Variants in ZDHHC13 observed in about 807,000 individuals in gnomAD.
ZDHHC13 encodes the protein zDHHC palmitoyltransferase 13, also known as palmitoyltransferase ZDHHC13.
Under a neutral mutation model 86.0 loss-of-function variants are expected in ZDHHC13, and 85 were observed. The ratio of observed to expected loss-of-function variants is 0.99; its 90% CI spans 0.83 to 1.18. ZDHHC13 has a LOEUF of 1.18. Ranked by LOEUF, ZDHHC13 falls within the 50% of genes most tolerant of loss-of-function variation. The probability of loss-of-function intolerance (pLI) is 0.00; values close to 1 mark genes in which losing one functional copy is unlikely to be tolerated. For synonymous variants in ZDHHC13, 263 were observed against 246.4 expected, an observed-to-expected ratio of 1.07 and a Z score of -0.63; for missense variants, 711 against 730.2, an observed-to-expected ratio of 0.97 and a Z score of 0.30.
At chr11:19,161,074 C>T (rs1849897922) in intron 10 of ZDHHC13, among the ~76,000 whole-genome samples, 1 of 152,004 alleles carries the variant, frequency 6.6e-6, no homozygotes, top group African/African-American at 2.4e-5. Context: ...GAATAATGTT[C>T]TTCAAACTAA....
chr11:19,118,953 C>T (rs1392177525), intron 1 of ZDHHC13: 1 of 152,182 alleles, frequency 6.6e-6, no homozygotes, highest in Non-Finnish European at 1.5e-5. Flanking sequence ...GAATGTCTGC[C>T]AGGCACCGTT....
chr11:19,133,646 C>T (rs994100635), intron 1 of ZDHHC13, among the ~76,000 whole-genome samples: 9 of 151,750 alleles, frequency 5.9e-5, no homozygotes, highest in Non-Finnish European at 8.8e-5. Context: ...ATAGAGAATA[C>T]GTATGATAGA....
intron 12 of ZDHHC13, 82 bp from the exon 13 acceptor site, chr11:19,164,970 C>G: frequency 8.2e-7 from 1 of 1,226,374 alleles, no homozygotes; most frequent in Non-Finnish European, 1.2e-6. Flanking sequence ...CCTCTGTGAC[C>G]TAAAGTTAAA....
At chr11:19,149,466 C>T (rs1418122396) in intron 5 of ZDHHC13, 135 bp downstream of exon 5, 28 of 947,866 alleles carry the variant, frequency 3.0e-5, no homozygotes, top group East Asian at 2.9e-4. Context: ...AGCCTCAGTA[C>T]GTTTAGCCAT....
At chr11:19,131,884 T>C (rs974413404) in intron 1 of ZDHHC13, among the ~76,000 whole-genome samples, 1 of 152,248 alleles carries the variant, frequency 6.6e-6, no homozygotes, top group African/African-American at 2.4e-5. Context: ...TCTGCCTGCC[T>C]CGGCCTCCCA....
At position 19,138,914 on chromosome 11, in the gene ZDHHC13, C is replaced by G. The variant is rs1279867103; in HGVS notation, c.28-4064C>G. Among the ~76,000 whole-genome samples the G allele has an allele frequency of 4.6e-5, 7 of 151,296 alleles. No individual in the cohort carries two copies. The East Asian group carries it at 1.4e-3, about 29-fold the overall frequency. On this transcript the variant is annotated intron_variant, in intron 1 of 16. Coordinates refer to ENST00000446113, the MANE Select transcript of ZDHHC13 (RefSeq NM_019028.3). Reference sequence around the variant, plus strand: ...AATTAGGTATTGATGGGACGTATCTCAAAATAATAAGAGCTATCTATGACA... The same window carrying G: ...AATTAGGTATTGATGGGACGTATCTGAAAATAATAAGAGCTATCTATGACA...
In ZDHHC13 at chr11:19,126,140, T is replaced by G. The variant is rs150705373; in HGVS notation, c.27+8864T>G. 2.2e-4 allele frequency among the ~76,000 whole-genome samples: 34 copies of G among 152,290 alleles called. No individual in the cohort carries two copies. In the East Asian group the frequency reaches 6.4e-3, roughly 28 times the overall value. On this transcript the variant is annotated intron_variant, in intron 1 of 16. Transcript: ENST00000446113. ...AAACTTTCTTTTAAAAACTTTTGTT[T>G]TAGGTTTGGGGATACATGTGCAGGT...
At chr11:19,146,368 T>C in intron 3 of ZDHHC13, 65 bp downstream of exon 3, 1 of 1,550,396 alleles carries the variant, frequency 6.4e-7, no homozygotes, top group Non-Finnish European at 8.7e-7. Flanking sequence ...ATTTATCTTT[T>C]TCTTTAAGTA....
At position 19,117,181 on chromosome 11, in the gene ZDHHC13, G is replaced by A. The variant is rs1002739341; in HGVS notation, c.-69G>A. ...GGAAGTGGGAGAAGAGGCGACCCAA[G>A]GCGGGCTGGCGGGCTGGCGGCAGTC... On this transcript the variant is annotated 5_prime_UTR_variant, in exon 1 of 17. Transcript: ENST00000446113. The surrounding 1 kb of genome is among the most constrained non-coding windows in gnomAD (Gnocchi z 4.2). 50 of 1,513,686 alleles carry A rather than the reference G, an allele frequency of 3.3e-5. No individual in the cohort carries two copies. The highest frequency in any genetic ancestry group is 4.0e-5 in the Non-Finnish European group (45 of 1,128,450). 93.8% of individuals were successfully genotyped at this position (1,513,686 alleles called of 1,614,324 possible). A position where few individuals can be genotyped will look rare whatever the true frequency, so the allele number is the denominator to read the frequency against.
chr11:19,161,079 A>G (rs1406549064), intron 10 of ZDHHC13, among the ~76,000 whole-genome samples: 1 of 151,900 alleles, frequency 6.6e-6, no homozygotes, highest in Non-Finnish European at 1.5e-5. Flanking sequence ...ATGTTCTTCA[A>G]ACTAAATTTT....
chr11:19,154,877 G>A (rs1849714112), intron 8 of ZDHHC13, among the ~76,000 whole-genome samples: 1 of 151,966 alleles, frequency 6.6e-6, no homozygotes, highest in African/African-American at 2.4e-5. Flanking sequence ...CTTTCTACCT[G>A]CACACAGTCT....
chr11:19,142,328 C>G (rs1849343881), intron 1 of ZDHHC13, among the ~76,000 whole-genome samples: 1 of 152,118 alleles, frequency 6.6e-6, no homozygotes, highest in Non-Finnish European at 1.5e-5. Context: ...TTTTTCAAGG[C>G]CAGCAGAAGA....
chr11:19,134,645 G>A (rs1849082328), intron 1 of ZDHHC13, among the ~76,000 whole-genome samples: 1 of 151,990 alleles, frequency 6.6e-6, no homozygotes, highest in Non-Finnish European at 1.5e-5. Context: ...CTCATAAGTG[G>A]GAGTTGAACA....
rs1441384924 is a variant in ZDHHC13, at chr11:19,164,362, T to C, written c.1295T>C (p.Leu432Pro). ...TTCAGAACATTTTGTACATCATGTC[T>C]TGTGAGTTTTTTCATATAATTTTTT... ...LDFRTFCTSC[L>P]IRKPLRSLHC... is the part of the protein sequence containing the mutation. The change falls in exon 12 of 17, where the codon CTT (leucine) becomes CCT (proline). Residue 432 changes from leucine (L) to proline (P), a missense_variant and splice_region_variant. Coordinates refer to ENST00000446113, the MANE Select transcript of ZDHHC13 (RefSeq NM_019028.3). The C allele has an allele frequency of 1.9e-6, 3 of 1,612,484 alleles. No individual in the cohort carries two copies. Among genetic ancestry groups the C allele is most frequent in the African/African-American group, 2.7e-5 (2 of 74,884 alleles).
Position 19,159,032 on chromosome 11 carries a change from T to C in ZDHHC13, c.1100T>C (p.Phe367Ser), listed in dbSNP as rs1193324598. The change falls in exon 10 of 17, where the codon TTT becomes TCT. Residue 367 changes from phenylalanine to serine, a missense_variant. Transcript: ENST00000446113. ...FWIFMTWFILFFPDLAGAPFY... is the reference protein window; with the variant it reads ...FWIFMTWFILSFPDLAGAPFY... ...ATATTTATGACTTGGTTCATCTTAT[T>C]TTTTCCTGATATCCTTTAAGCATCA... 30 of 1,544,904 alleles carry C rather than the reference T, an allele frequency of 1.9e-5. No individual in the cohort carries two copies. The highest frequency in any genetic ancestry group is 2.3e-5 in the Non-Finnish European group (26 of 1,143,374).
intron 1 of ZDHHC13, among the ~76,000 whole-genome samples, chr11:19,141,692 A>T (rs1460093900): frequency 2.0e-5 from 2 of 101,328 alleles, no homozygotes; most frequent in Non-Finnish European, 4.8e-5. Context: ...TTTTTTTTTA[A>T]CATTAGCGAA....
At position 19,152,472 on chromosome 11, in the gene ZDHHC13, T is replaced by A. The variant is rs377403245; in HGVS notation, c.748-87T>A. On this transcript the variant is annotated intron_variant, in intron 7 of 16. Coordinates refer to ENST00000446113, the MANE Select transcript of ZDHHC13 (RefSeq NM_019028.3). The stretch of plus-strand genomic sequence containing the variant: ...GCTATCCTTGGAATAATGTGTTGAG[T>A]CTATGATTCTGGTGTTTTTAAAAAA... 1.9e-5 allele frequency: 27 copies of A among 1,458,534 alleles called. 1 individual carries two copies. In the African/African-American group the frequency reaches 2.4e-4, roughly 13 times the overall value. 90.3% of individuals were successfully genotyped at this position (1,458,534 alleles called of 1,614,324 possible). A position where few individuals can be genotyped will look rare whatever the true frequency, so the allele number is the denominator to read the frequency against.
intron 1 of ZDHHC13, among the ~76,000 whole-genome samples, chr11:19,120,899 G>A (rs1278066627): frequency 6.6e-6 from 1 of 152,192 alleles, no homozygotes; most frequent in Non-Finnish European, 1.5e-5. Context: ...CTTGGAGCTG[G>A]AAGGCTTTTC....
intron 1 of ZDHHC13, among the ~76,000 whole-genome samples, chr11:19,125,762 G>A (rs1261326956): frequency 6.6e-6 from 1 of 152,160 alleles, no homozygotes; most frequent in African/African-American, 2.4e-5. Context: ...TAAAAAAGAA[G>A]GAATTATTGA....
Sources: allele counts gnomAD v4.1 joint callset (sites outside exome capture counted in the v4.1 genomes callset), GRCh38; gene constraint gnomAD v4.1.1; non-coding constraint Gnocchi (gnomAD v3.1); transcripts MANE v1.5; gene names NCBI Gene and HGNC (gene_info 2026-07-23, HGNC 2026-07-21).